BCAS4: variants seen among roughly 807,000 people sequenced by gnomAD.
BCAS4 encodes the protein breast carcinoma-amplified sequence 4.
In BCAS4, 9 loss-of-function variants were observed where a neutral mutation model predicts 15.7. The ratio of observed to expected loss-of-function variants is 0.57; its 90% confidence interval spans 0.34 to 1.00. BCAS4 has a LOEUF of 1.00. Among genes scored for constraint, BCAS4 ranks in the 50% least tolerant of loss-of-function variants. The probability of loss-of-function intolerance (pLI) is 0.02; values close to 1 mark genes in which losing one functional copy is unlikely to be tolerated. For synonymous variants in BCAS4, 101 were observed against 99.5 expected (o/e 1.02, Z -0.09); for missense variants, 225 against 239.1 (o/e 0.94, Z 0.39).
At chr20:50,858,707 C>CT (rs61324054) in intron 4 of BCAS4, among the ~76,000 whole-genome samples, 42 of 136,430 alleles carry the variant, frequency 3.1e-4, no homozygotes, top group Admixed American at 5.4e-4. Flanking sequence ...TACAACCATC[C>CT]TTTTTTTTTT....
intron 2 of BCAS4, among the ~76,000 whole-genome samples, chr20:50,822,159 A>C (rs1459777346): frequency 1.3e-5 from 2 of 152,052 alleles, no homozygotes; most frequent in African/African-American, 4.8e-5. Flanking sequence ...TGGTTGGTGT[A>C]ACTTGCCCCG....
At chr20:50,856,264 C>T (rs1363691569) in intron 4 of BCAS4, among the ~76,000 whole-genome samples, 1 of 152,224 alleles carries the variant, frequency 6.6e-6, no homozygotes, top group African/African-American at 2.4e-5. Flanking sequence ...CTGGGAAGTA[C>T]TTGGCTCTGT....
chr20:50,854,921 C>T (rs947248454), intron 4 of BCAS4, among the ~76,000 whole-genome samples: 3 of 152,260 alleles, frequency 2.0e-5, no homozygotes, highest in African/African-American at 7.2e-5. Flanking sequence ...AATGGAGTGG[C>T]TCACTCGCCT....
chr20:50,853,796 GATGTTTTGTGTACTGGGA>G (rs1978601120), intron 4 of BCAS4, among the ~76,000 whole-genome samples: 5 of 141,058 alleles, frequency 3.5e-5, no homozygotes, highest in South Asian at 2.2e-4. Flanking sequence ...GTGTACTGGG[GATGTTTTGTGTACTGGGA>G]GGTGTTTTGT....
At chr20:50,817,697 G>A (rs1459212324) in intron 1 of BCAS4, among the ~76,000 whole-genome samples, 2 of 151,978 alleles carry the variant, frequency 1.3e-5, no homozygotes, top group East Asian at 3.9e-4. Flanking sequence ...CCTGACCTCA[G>A]GTGATCCGCC....
intron 2 of BCAS4, among the ~76,000 whole-genome samples, chr20:50,823,054 T>C (rs2088235663): frequency 6.6e-6 from 1 of 151,832 alleles, no homozygotes; most frequent in South Asian, 2.1e-4. Context: ...ATAGAAGCCT[T>C]ATTCGCCAGG....
intron 1 of BCAS4, among the ~76,000 whole-genome samples, chr20:50,798,996 C>T (rs1399124527): frequency 6.6e-6 from 1 of 152,152 alleles, no homozygotes; most frequent in Non-Finnish European, 1.5e-5. Context: ...TTTTGCCAGG[C>T]AGGGTCCTGG....
chr20:50,842,919 C>T (rs1279312858), intron 4 of BCAS4, among the ~76,000 whole-genome samples: 1 of 152,184 alleles, frequency 6.6e-6, no homozygotes, highest in Non-Finnish European at 1.5e-5. Flanking sequence ...CTGTTCCTAC[C>T]TGTCCACACC....
intron 1 of BCAS4, among the ~76,000 whole-genome samples, chr20:50,797,130 G>A (rs1230989894): frequency 2.0e-5 from 3 of 152,170 alleles, no homozygotes; most frequent in Admixed American, 6.5e-5. Flanking sequence ...GTACCACCAT[G>A]CCTGGCCCAT....
intron 4 of BCAS4, among the ~76,000 whole-genome samples, chr20:50,874,958 G>A (rs1979848172): frequency 6.6e-6 from 1 of 152,130 alleles, no homozygotes; most frequent in South Asian, 2.1e-4. Context: ...TGGTGAGAAG[G>A]TCCCCTCCCT....
chr20:50,871,263 G>A (rs1055123295), intron 4 of BCAS4, among the ~76,000 whole-genome samples: 2 of 152,216 alleles, frequency 1.3e-5, no homozygotes, highest in Admixed American at 1.3e-4. Flanking sequence ...GAGACATAGC[G>A]ACTCCTCCCT....
chr20:50,854,831 T>G (rs1361994036), intron 4 of BCAS4, among the ~76,000 whole-genome samples: 1 of 152,230 alleles, frequency 6.6e-6, no homozygotes, highest in East Asian at 1.9e-4. Context: ...GTCCTGAAGC[T>G]GCTTTTTACA....
At chr20:50,844,874 C>T (rs1420240962) in intron 4 of BCAS4, among the ~76,000 whole-genome samples, 1 of 152,148 alleles carries the variant, frequency 6.6e-6, no homozygotes, top group African/African-American at 2.4e-5. Flanking sequence ...GGAAGCGCGT[C>T]CTGGCCAGGG....
At chr20:50,805,703 G>A (rs891399868) in intron 1 of BCAS4, among the ~76,000 whole-genome samples, 1 of 152,114 alleles carries the variant, frequency 6.6e-6, no homozygotes, top group African/African-American at 2.4e-5. Flanking sequence ...TGGCCAAAGC[G>A]GTGGTTCATG....
At position 50,876,499 on chromosome 20, in the gene BCAS4, CG is replaced by C; in HGVS notation, c.415del (p.Val139CysfsTer3). On this transcript the variant is annotated frameshift_variant, in exon 5 of 5. Transcript: ENST00000371608. LOFTEE classifies it low-confidence loss of function (END_TRUNC). Reference sequence around the variant, plus strand: ...TTGTCATTCCAGAAGTCACCTGCACCGGTGCCCGTGACGTACGAGCTGCCCA... The same window carrying C: ...TTGTCATTCCAGAAGTCACCTGCACCGTGCCCGTGACGTACGAGCTGCCCA... ...LPSFRNKSPA[P>X]VPVTYELPTL... is the part of the protein sequence containing the mutation. 2 of 1,613,532 alleles carry C rather than the reference CG, an allele frequency of 1.2e-6. No individual in the cohort carries two copies. Among genetic ancestry groups the C allele is most frequent in the South Asian group, 2.2e-5 (2 of 90,998 alleles).
At chr20:50,859,308 G>A (rs1978944117) in intron 4 of BCAS4, among the ~76,000 whole-genome samples, 1 of 152,174 alleles carries the variant, frequency 6.6e-6, no homozygotes, top group Non-Finnish European at 1.5e-5. Context: ...GATGTGGAGG[G>A]CCGACTGCAC....
chr20:50,862,836 T>G (rs964992059), intron 4 of BCAS4, among the ~76,000 whole-genome samples: 1 of 152,058 alleles, frequency 6.6e-6, no homozygotes, highest in African/African-American at 2.4e-5. Context: ...TCAGGGCTTT[T>G]TTTGTTTGTT....
chr20:50,873,325 G>T (rs78963449), intron 4 of BCAS4, among the ~76,000 whole-genome samples: 1,590 of 152,302 alleles, frequency 0.01, 38 homozygotes, highest in African/African-American at 0.036. Context: ...GCTGGCCTAG[G>T]AGAGGCCGCC....
chr20:50,835,941 A>C (rs1345058554), intron 3 of BCAS4, among the ~76,000 whole-genome samples: 1 of 151,470 alleles, frequency 6.6e-6, no homozygotes, highest in Non-Finnish European at 1.5e-5. Context: ...TTTCGGAGAC[A>C]GAGTATCGCT....
Sources: gnomAD v4.1 joint callset for allele counts (sites outside exome capture counted in the v4.1 genomes callset) on GRCh38, gnomAD v4.1.1 for gene constraint, MANE v1.5 for transcripts, NCBI Gene and HGNC (gene_info 2026-07-23, HGNC 2026-07-21) for gene names.